The following SGCZ variants were observed in gnomAD, a reference collection of about 807,000 sequenced individuals.
SGCZ encodes the protein sarcoglycan zeta.
In SGCZ, 40 loss-of-function variants were observed where a neutral mutation model predicts 41.3. That is an observed-to-expected ratio of 0.97 (90% CI 0.75 to 1.26). SGCZ has a LOEUF of 1.26. Ranked by LOEUF, SGCZ falls within the 50% of genes most tolerant of loss-of-function variation. The probability of loss-of-function intolerance (pLI) is 0.00; values close to 1 mark genes in which losing one functional copy is unlikely to be tolerated. For synonymous variants in SGCZ, 206 were observed against 137.5 expected (o/e 1.50, Z -3.49); for missense variants, 552 against 369.8 (o/e 1.49, Z -4.04).
chr8:14,369,883 A>G (rs1000819701), intron 2 of SGCZ, among the ~76,000 whole-genome samples: 7 of 152,042 alleles, frequency 4.6e-5, no homozygotes, highest in African/African-American at 1.4e-4. Context: ...TGAGAGAAAA[A>G]TCAAATCACA....
intron 2 of SGCZ, among the ~76,000 whole-genome samples, chr8:14,483,194 A>G (rs558746542): frequency 6.6e-6 from 1 of 152,306 alleles, no homozygotes; most frequent in East Asian, 1.9e-4. Context: ...TCAGATTTTT[A>G]CATTTCAAAA....
intron 1 of SGCZ, among the ~76,000 whole-genome samples, chr8:15,095,030 T>C (rs573576501): frequency 1.4e-4 from 21 of 152,314 alleles, no homozygotes; most frequent in African/African-American, 4.3e-4. Flanking sequence ...ACGAATGCAC[T>C]CTATATTGTG....
At chr8:14,539,408 G>C (rs1365784824) in intron 2 of SGCZ, among the ~76,000 whole-genome samples, 15 of 151,908 alleles carry the variant, frequency 9.9e-5, no homozygotes, top group Admixed American at 9.2e-4. Flanking sequence ...GGGAACTCAG[G>C]GGTCAGGGAA....
chr8:14,163,390 T>C (rs1804106797), intron 5 of SGCZ, among the ~76,000 whole-genome samples: 1 of 152,186 alleles, frequency 6.6e-6, no homozygotes, highest in Non-Finnish European at 1.5e-5. Flanking sequence ...TCATCATTTA[T>C]AGCTCCCACT....
intron 1 of SGCZ, among the ~76,000 whole-genome samples, chr8:14,915,202 T>C (rs1194518676): frequency 6.6e-6 from 1 of 152,178 alleles, no homozygotes; most frequent in Non-Finnish European, 1.5e-5. Flanking sequence ...TTTACAAATA[T>C]ACCTGTAAAT....
intron 1 of SGCZ, among the ~76,000 whole-genome samples, chr8:14,782,257 T>A (rs1175717159): frequency 6.6e-6 from 1 of 152,202 alleles, no homozygotes; most frequent in Non-Finnish European, 1.5e-5. Flanking sequence ...ATTATTTGAG[T>A]AAAAACTCTG....
chr8:14,829,494 A>T (rs1376293645), intron 1 of SGCZ, among the ~76,000 whole-genome samples: 1 of 152,174 alleles, frequency 6.6e-6, no homozygotes, highest in Non-Finnish European at 1.5e-5. Context: ...AGAATTGAAC[A>T]TCAATAGGAA....
chr8:14,453,115 A>C (rs2116931307), intron 2 of SGCZ, among the ~76,000 whole-genome samples: 1 of 152,188 alleles, frequency 6.6e-6, no homozygotes, highest in African/African-American at 2.4e-5. Flanking sequence ...CTCAAAAAAT[A>C]ATAATAATAA....
At chr8:14,646,572 T>C (rs929063206) in intron 1 of SGCZ, among the ~76,000 whole-genome samples, 1 of 151,904 alleles carries the variant, frequency 6.6e-6, no homozygotes, top group Non-Finnish European at 1.5e-5. Flanking sequence ...TGGATATACA[T>C]CCGGTAATAG....
chr8:14,808,216 A>C (rs184970084), intron 1 of SGCZ, among the ~76,000 whole-genome samples: 85 of 152,234 alleles, frequency 5.6e-4, no homozygotes, highest in Non-Finnish European at 9.7e-4. Flanking sequence ...GCAACAAAAG[A>C]CAAAATTGAC....
At chr8:15,043,924 A>T (rs970908317) in intron 1 of SGCZ, among the ~76,000 whole-genome samples, 2 of 152,076 alleles carry the variant, frequency 1.3e-5, no homozygotes, top group Non-Finnish European at 2.9e-5. Flanking sequence ...GTTTAAGTTG[A>T]CATGCTAACC....
intron 3 of SGCZ, among the ~76,000 whole-genome samples, chr8:14,307,037 T>A (rs1801372670): frequency 6.6e-6 from 1 of 152,120 alleles, no homozygotes; most frequent in South Asian, 2.1e-4. Context: ...AATTTGCATT[T>A]CAAGAAATGG....
In SGCZ at chr8:14,424,453, T is replaced by C. The variant is rs146952058; in HGVS notation, c.235-100249A>G. ...TAAACGTCCTATCAAAAGAAGTGGA[T>C]CTTCTCCACCCCATTATAAAAAGCT... On this transcript the variant is annotated intron_variant, in intron 2 of 7. Transcript: ENST00000382080. 1.9e-3 allele frequency among the ~76,000 whole-genome samples: 293 copies of C among 152,306 alleles called. 1 individual carries two copies. Among genetic ancestry groups the C allele is most frequent in the Middle Eastern group, 0.014 (4 of 294 alleles).
chr8:15,121,552 A>G (rs1807478554), intron 1 of SGCZ, among the ~76,000 whole-genome samples: 1 of 152,208 alleles, frequency 6.6e-6, no homozygotes, highest in Non-Finnish European at 1.5e-5. Context: ...TTGAAGTAAG[A>G]CATAAGTGCA....
intron 3 of SGCZ, among the ~76,000 whole-genome samples, chr8:14,239,901 C>CAAAAAAAAA (rs71209029): frequency 1.5e-4 from 6 of 41,364 alleles, no homozygotes; most frequent in African/African-American, 1.4e-3. Flanking sequence ...GACTCCGTCT[C>CAAAAAAAAA]AAAAAAAAAA....
chr8:14,649,194 G>C (rs762414086), intron 1 of SGCZ, among the ~76,000 whole-genome samples: 10 of 152,132 alleles, frequency 6.6e-5, no homozygotes, highest in South Asian at 2.1e-4. Context: ...ATGTCAGACA[G>C]GGCTAGGTAC....
At chr8:14,570,524 C>G (rs1444764864) in intron 1 of SGCZ, among the ~76,000 whole-genome samples, 1 of 152,128 alleles carries the variant, frequency 6.6e-6, no homozygotes, top group Non-Finnish European at 1.5e-5. Flanking sequence ...AACAGCTTAT[C>G]TAAGATATAA....
At chr8:14,209,833 CCTGT>C (rs1805742027) in intron 4 of SGCZ, among the ~76,000 whole-genome samples, 1 of 11,558 alleles carries the variant, frequency 8.7e-5, no homozygotes, top group African/African-American at 2.6e-3. Context: ...AAAAATATAA[CCTGT>C]ATGATTAAGT....
chr8:14,668,613 T>C (rs563528011), intron 1 of SGCZ, among the ~76,000 whole-genome samples: 1 of 152,258 alleles, frequency 6.6e-6, no homozygotes, highest in Admixed American at 6.5e-5. Flanking sequence ...TTATAAATAA[T>C]TACCTTTGTC....
Sources: gnomAD v4.1 joint callset for allele counts (sites outside exome capture counted in the v4.1 genomes callset) on GRCh38, gnomAD v4.1.1 for gene constraint, MANE v1.5 for transcripts, NCBI Gene and HGNC (gene_info 2026-07-23, HGNC 2026-07-21) for gene names.